ZFHX3: variants seen among roughly 807,000 people sequenced by gnomAD.
ZFHX3 encodes zinc finger homeobox 3, also known as zinc finger homeobox protein 3.
A neutral mutation model predicts 279.1 loss-of-function variants in ZFHX3; 42 were observed. That is an observed-to-expected ratio of 0.15 (90% CI 0.12 to 0.19). The LOEUF is 0.19. ZFHX3 is among the 10% of genes least tolerant of loss of function. The pLI, the probability that ZFHX3 is intolerant of heterozygous loss-of-function variation, is 1.00. For missense variants in ZFHX3, 4,981 were observed against 4,754.0 expected, an observed-to-expected ratio of 1.05 and a Z score of -1.40; for synonymous variants, 2,293 against 1,957.8, an observed-to-expected ratio of 1.17 and a Z score of -4.52.
intron 1 of ZFHX3, among the ~76,000 whole-genome samples, chr16:73,870,405 G>A (rs776113481): frequency 3.3e-5 from 5 of 152,162 alleles, no homozygotes; most frequent in Admixed American, 1.3e-4. Flanking sequence ...TCAGTCCTAC[G>A]GAGGAGAGAC....
intron 1 of ZFHX3, among the ~76,000 whole-genome samples, chr16:73,057,530 G>T (rs1441581990): frequency 1.1e-5 from 1 of 93,372 alleles, no homozygotes; most frequent in Non-Finnish European, 2.3e-5. Flanking sequence ...CCAGATTCGC[G>T]AGAGCAAAAA....
At chr16:73,764,445 G>C (rs900593597) in intron 1 of ZFHX3, among the ~76,000 whole-genome samples, 1 of 152,128 alleles carries the variant, frequency 6.6e-6, no homozygotes, top group South Asian at 2.1e-4. Flanking sequence ...GACTGCAGAG[G>C]GGAGGGGGAA....
At chr16:73,124,522 C>A (rs1966538496) in intron 7 of ZFHX3, among the ~76,000 whole-genome samples, 1 of 152,172 alleles carries the variant, frequency 6.6e-6, no homozygotes, top group Non-Finnish European at 1.5e-5. Context: ...GCTTTGGAGC[C>A]AGGCAGGTTC....
chr16:73,844,288 G>C (rs1193317618), intron 1 of ZFHX3, among the ~76,000 whole-genome samples: 2 of 152,118 alleles, frequency 1.3e-5, no homozygotes, highest in African/African-American at 4.8e-5. Flanking sequence ...TTATATGACT[G>C]GGGGGGTTGA....
intron 1 of ZFHX3, among the ~76,000 whole-genome samples, chr16:73,804,621 G>A (rs1323658653): frequency 6.6e-6 from 1 of 151,958 alleles, no homozygotes; most frequent in Non-Finnish European, 1.5e-5. Context: ...ACCCTCAGAG[G>A]CCCATTAGAA....
intron 3 of ZFHX3, among the ~76,000 whole-genome samples, chr16:72,934,898 G>C (rs1489284997): frequency 6.6e-6 from 1 of 152,164 alleles, no homozygotes; most frequent in Non-Finnish European, 1.5e-5. Flanking sequence ...AAGAGTCGCT[G>C]GATTACGAAA....
chr16:73,347,050 G>T (rs2016137399), intron 3 of ZFHX3, among the ~76,000 whole-genome samples: 1 of 152,208 alleles, frequency 6.6e-6, no homozygotes. Context: ...TCCTGGAACT[G>T]CTAGGTGCCT....
At chr16:73,066,195 G>A (rs1965749814) in intron 8 of ZFHX3, among the ~76,000 whole-genome samples, 1 of 152,230 alleles carries the variant, frequency 6.6e-6, no homozygotes. Context: ...CGGGCTGCAG[G>A]GACATTCGAC....
At chr16:73,065,039 T>G (rs1965729030) in intron 8 of ZFHX3, among the ~76,000 whole-genome samples, 1 of 152,216 alleles carries the variant, frequency 6.6e-6, no homozygotes, top group Admixed American at 6.5e-5. Flanking sequence ...TGTGTTCGCT[T>G]TAGGGATTTC....
intron 1 of ZFHX3, among the ~76,000 whole-genome samples, chr16:73,770,733 C>G (rs1477329083): frequency 6.6e-6 from 1 of 152,198 alleles, no homozygotes; most frequent in Non-Finnish European, 1.5e-5. Context: ...GAATTGTCTT[C>G]TGCACCCCTC....
At chr16:73,455,084 A>T (rs577303625) in intron 3 of ZFHX3, among the ~76,000 whole-genome samples, 1 of 152,270 alleles carries the variant, frequency 6.6e-6, no homozygotes, top group South Asian at 2.1e-4. Context: ...AACCATCATG[A>T]CGTTGTCAGG....
At chr16:73,523,805 T>A (rs940057580) in intron 2 of ZFHX3, among the ~76,000 whole-genome samples, 9 of 152,060 alleles carry the variant, frequency 5.9e-5, no homozygotes, top group African/African-American at 2.2e-4. Flanking sequence ...AAACTTACAA[T>A]ATTTAGATGT....
At chr16:73,693,392 G>A (rs1381734998) in intron 1 of ZFHX3, among the ~76,000 whole-genome samples, 3 of 152,008 alleles carry the variant, frequency 2.0e-5, no homozygotes, top group East Asian at 1.9e-4. Flanking sequence ...GAGCCTGTTT[G>A]CTGTTTATTA....
At chr16:73,441,859 T>C (rs1392869812) in intron 3 of ZFHX3, among the ~76,000 whole-genome samples, 1 of 152,198 alleles carries the variant, frequency 6.6e-6, no homozygotes, top group Non-Finnish European at 1.5e-5. Flanking sequence ...CAAAACTACT[T>C]TGTAAACTGA....
At chr16:73,878,339 T>G (rs966350984) in intron 1 of ZFHX3, among the ~76,000 whole-genome samples, 1 of 152,166 alleles carries the variant, frequency 6.6e-6, no homozygotes, top group East Asian at 1.9e-4. Flanking sequence ...AAAGAGAGTT[T>G]GAAAACAGTT....
Position 72,958,956 on chromosome 16 carries a change from G to C in ZFHX3, c.1190C>G (p.Pro397Arg), listed in dbSNP as rs749353116. The C allele has an allele frequency of 3.1e-6, 5 of 1,598,422 alleles. No homozygotes were observed. The African/African-American group carries it at 6.7e-5, about 22-fold the overall frequency. ...CCCGCCAAGGTTCAACAGGGTGCTG[G>C]GGGTCAAGAGACCAGCCTGGGGCTG... ...PEQPQAGLLT[P>R]STLLNLGGLT... The change falls in exon 2 of 10, where the codon CCC (proline) becomes CGC (arginine). Residue 397 changes from proline to arginine, a missense_variant. This residue lies in a region of ZFHX3 where 1,068 missense variants were observed against 935.2 expected (regional missense o/e 1.14). Transcript: ENST00000268489.
At chr16:72,862,115 C>T (rs1454471125) in intron 4 of ZFHX3, among the ~76,000 whole-genome samples, 1 of 152,236 alleles carries the variant, frequency 6.6e-6, no homozygotes, top group African/African-American at 2.4e-5. Context: ...GTGTGACACA[C>T]TGTATACCAT....
At chr16:73,279,404 C>G (rs1432891794) in intron 4 of ZFHX3, among the ~76,000 whole-genome samples, 2 of 151,974 alleles carry the variant, frequency 1.3e-5, no homozygotes, top group Admixed American at 1.3e-4. Context: ...CTGAAAGTGA[C>G]ATACTATTTT....
chr16:73,285,277 G>A lies in ZFHX3; in HGVS notation c.-1193-28141C>T, dbSNP rs372887014. On this transcript the variant is annotated intron_variant, in intron 4 of 17. Transcript: ENST00000641206. Reference sequence around the variant, plus strand: ...GAGGCAGTGCCCACAAGGCGATGAGGTCCACATAACAACTCGAAGAGATTA... The same window carrying A: ...GAGGCAGTGCCCACAAGGCGATGAGATCCACATAACAACTCGAAGAGATTA... Among the ~76,000 whole-genome samples the A allele has an allele frequency of 2.6e-5, 4 of 152,196 alleles. No homozygotes were observed. In the East Asian group the frequency reaches 7.7e-4, roughly 29 times the overall value.
Sources: gnomAD v4.1 joint callset for allele counts (sites outside exome capture counted in the v4.1 genomes callset) on GRCh38, gnomAD v4.1.1 for gene constraint, gnomAD v4.1.1 regional missense constraint, MANE v1.5 for transcripts, NCBI Gene and HGNC (gene_info 2026-07-23, HGNC 2026-07-21) for gene names.